TMEM273: variants seen among roughly 807,000 people sequenced by gnomAD.
TMEM273 encodes the protein chromosome 10 open reading frame 128.
A neutral mutation model predicts 17.9 loss-of-function variants in TMEM273; 19 were observed. The observed-to-expected ratio is 1.06, with a 90% CI of 0.74 to 1.55. The LOEUF is 1.55. TMEM273 is among the 40% of genes most tolerant of loss of function. The pLI is 0.00. For missense variants in TMEM273, 194 were observed against 155.6 expected (o/e 1.25, Z -1.31); for synonymous variants, 66 against 62.0 (o/e 1.07, Z -0.31).
intron 5 of TMEM273, among the ~76,000 whole-genome samples, chr10:49,162,027 G>T (rs1845875774): frequency 6.6e-6 from 1 of 152,126 alleles, no homozygotes; most frequent in South Asian, 2.1e-4. Context: ...CTTTCAGAAA[G>T]TTCATTGTTG....
chr10:49,169,762 G>T (rs901129122), intron 1 of TMEM273, among the ~76,000 whole-genome samples: 1 of 152,100 alleles, frequency 6.6e-6, no homozygotes, highest in Non-Finnish European at 1.5e-5. Context: ...ACATCGTTCC[G>T]GACATGGGGC....
intron 2 of TMEM273, 81 bp from the exon 3 acceptor site, chr10:49,167,090 C>T: frequency 1.3e-6 from 2 of 1,560,886 alleles, no homozygotes; most frequent in Non-Finnish European, 1.7e-6. Context: ...CCAAAGCATG[C>T]ATGTGGCCCT....
intron 2 of TMEM273, 44 bp downstream of exon 2, chr10:49,167,865 C>T (rs1198570342): frequency 6.2e-7 from 1 of 1,610,802 alleles, no homozygotes; most frequent in Non-Finnish European, 8.5e-7. Context: ...AGCTTCCTTC[C>T]TGCCCCTGAC....
At chr10:49,161,426 G>A in intron 6 of TMEM273, 173 bp downstream of exon 6, 1 of 726,032 alleles carries the variant, frequency 1.4e-6, no homozygotes, top group Non-Finnish European at 2.4e-6. Flanking sequence ...GTCCCAAGGT[G>A]ATGCTGATTC....
intron 1 of TMEM273, among the ~76,000 whole-genome samples, chr10:49,178,664 C>A (rs936556255): frequency 6.6e-6 from 1 of 152,152 alleles, no homozygotes; most frequent in Admixed American, 6.5e-5. Flanking sequence ...CAGAGATGTA[C>A]GCAATTAGCA....
In TMEM273 at chr10:49,154,810, T is replaced by C. The variant is rs745701223; in HGVS notation, c.*1082A>G. 3.9e-5 allele frequency: 6 copies of C among 152,244 alleles called. No individual in the cohort carries two copies. The highest frequency in any genetic ancestry group is 8.8e-5 in the Non-Finnish European group (6 of 68,048). The allele number at this position is 152,244 out of a possible 1,614,324, so 9.4% of individuals were successfully genotyped here. On this transcript the variant is annotated 3_prime_UTR_variant, in exon 7 of 7. Transcript: ENST00000374153. Reference sequence around the variant, plus strand: ...AGTATCACATTACCGCTCTTGGTTATCAGTTAACAAAGGCTGCTAATGAAC... The same window carrying C: ...AGTATCACATTACCGCTCTTGGTTACCAGTTAACAAAGGCTGCTAATGAAC...
chr10:49,185,193 A>G (rs761335221), intron 1 of TMEM273, among the ~76,000 whole-genome samples: 1 of 152,350 alleles, frequency 6.6e-6, no homozygotes. Flanking sequence ...ACATTTGGTA[A>G]TTCAGAGTGT....
chr10:49,183,204 T>C (rs1266453956), intron 1 of TMEM273, among the ~76,000 whole-genome samples: 2 of 152,198 alleles, frequency 1.3e-5, no homozygotes, highest in Non-Finnish European at 2.9e-5. Flanking sequence ...AAATAGATTA[T>C]ATAAAAGTAT....
At chr10:49,167,037 C>T (rs755885657) in intron 2 of TMEM273, 28 bp from the exon 3 acceptor site, 52 of 1,610,276 alleles carry the variant, frequency 3.2e-5, no homozygotes, top group East Asian at 8.9e-5. Context: ...ATTGAACACC[C>T]GGTTTCAGTC....
intron 1 of TMEM273, among the ~76,000 whole-genome samples, chr10:49,168,311 C>T (rs1317549717): frequency 6.6e-6 from 1 of 152,150 alleles, no homozygotes; most frequent in Non-Finnish European, 1.5e-5. Context: ...GCCAGGGAAT[C>T]TCCTGCCCTG....
intron 4 of TMEM273, 50 bp from the exon 5 acceptor site, chr10:49,165,333 A>G: frequency 6.4e-7 from 1 of 1,550,416 alleles, no homozygotes; most frequent in Non-Finnish European, 8.7e-7. Context: ...AAAGGTCCCA[A>G]GGCAGGACCG....
chr10:49,166,613 G>A (rs1245773093), intron 3 of TMEM273: 24 of 506,136 alleles, frequency 4.7e-5, no homozygotes, highest in South Asian at 3.9e-4. Context: ...AAGAGACACA[G>A]AAAGACAGAG....
In TMEM273 at chr10:49,171,476, A is replaced by G. The variant is rs527744334; in HGVS notation, c.44-3514T>C. 2.0e-5 allele frequency among the ~76,000 whole-genome samples: 3 copies of G among 152,278 alleles called. No homozygotes were observed. The East Asian group carries it at 5.8e-4, about 29-fold the overall frequency. On this transcript the variant is annotated intron_variant, in intron 1 of 6. Coordinates refer to ENST00000374153, the MANE Select transcript of TMEM273 (RefSeq NM_001288740.3). ...GCCTCTGACCATAGAAGCTTTTCCT[A>G]ATTTGCACAAGGGCACTCGATGGGC...
At position 49,157,571 on chromosome 10, in the gene TMEM273, G is replaced by C. The variant is rs143854903; in HGVS notation, c.373-1662C>G. ...TTCCTATACATTCTGGTTAGCCCCAGGGTTCATCTGGTTAGGATACATTTA... is the reference window on the plus strand; with the variant it reads ...TTCCTATACATTCTGGTTAGCCCCACGGTTCATCTGGTTAGGATACATTTA... On this transcript the variant is annotated intron_variant, in intron 6 of 6. Transcript: ENST00000374153. 2.0e-3 allele frequency among the ~76,000 whole-genome samples: 303 copies of C among 152,290 alleles called. 1 individual carries two copies. Among genetic ancestry groups the C allele is most frequent in the African/African-American group, 7.1e-3 (296 of 41,540 alleles).
chr10:49,183,820 T>G (rs975958058), intron 1 of TMEM273, among the ~76,000 whole-genome samples: 34 of 152,188 alleles, frequency 2.2e-4, no homozygotes, highest in African/African-American at 7.7e-4. Context: ...AAGTGAAATT[T>G]TATCACACTT....
chr10:49,155,878 T>G lies in TMEM273; in HGVS notation c.*14A>C. ...GGGCTAGAACCCCTCTTCACGTCAC[T>G]GCTCACCTACAGCTCAATCACCTGT... is the stretch of plus-strand genomic sequence containing the variant. On this transcript the variant is annotated 3_prime_UTR_variant, in exon 7 of 7. Coordinates refer to ENST00000374153, the MANE Select transcript of TMEM273 (RefSeq NM_001288740.3). 1 of 1,614,180 alleles carries G rather than the reference T, an allele frequency of 6.2e-7. No homozygotes were observed. Among genetic ancestry groups the G allele is most frequent in the Non-Finnish European group, 8.5e-7 (1 of 1,180,030 alleles).
At chr10:49,165,590 T>C (rs908133600) in intron 4 of TMEM273, among the ~76,000 whole-genome samples, 176 bp downstream of exon 4, 1 of 152,220 alleles carries the variant, frequency 6.6e-6, no homozygotes, top group South Asian at 2.1e-4. Context: ...TTGTGACACC[T>C]GCCCACTGGT....
At chr10:49,172,712 C>A (rs1846658401) in intron 1 of TMEM273, among the ~76,000 whole-genome samples, 1 of 152,212 alleles carries the variant, frequency 6.6e-6, no homozygotes, top group African/African-American at 2.4e-5. Flanking sequence ...GGCCTCATTG[C>A]ACACAGAGCA....
chr10:49,184,630 G>A (rs1847551735), intron 1 of TMEM273, among the ~76,000 whole-genome samples: 1 of 152,220 alleles, frequency 6.6e-6, no homozygotes, highest in Non-Finnish European at 1.5e-5. Context: ...TTGAGAAGTT[G>A]GGCAGTATCA....
Sources: allele counts gnomAD v4.1 joint callset (sites outside exome capture counted in the v4.1 genomes callset), GRCh38; gene constraint gnomAD v4.1.1; transcripts MANE v1.5; gene names NCBI Gene and HGNC (gene_info 2026-07-23, HGNC 2026-07-21).